Variants in WIPF2 observed in about 807,000 individuals in gnomAD.
WIPF2 encodes WAS/WASL interacting protein family member 2.
In WIPF2, 23 loss-of-function variants were observed where a neutral mutation model predicts 38.8. That is an observed-to-expected ratio of 0.59 (90% CI 0.43 to 0.84). The LOEUF is 0.84. WIPF2 is among the 40% of genes least tolerant of loss of function. The pLI is 0.00. For synonymous variants in WIPF2, 210 were observed against 223.2 expected (o/e 0.94, Z 0.53); for missense variants, 574 against 580.5 (o/e 0.99, Z 0.11).
chr17:40,275,085 T>C (rs1319201566), intron 6 of WIPF2, among the ~76,000 whole-genome samples: 2 of 150,530 alleles, frequency 1.3e-5, no homozygotes, highest in Non-Finnish European at 3.0e-5. Flanking sequence ...ACTAAAAATA[T>C]AAAAAATTAA....
chr17:40,272,496 A>G (rs916897082), intron 5 of WIPF2, among the ~76,000 whole-genome samples: 4 of 152,218 alleles, frequency 2.6e-5, no homozygotes, highest in African/African-American at 9.6e-5. Flanking sequence ...ACTTCCCACA[A>G]TGAATCTGCT....
intron 1 of WIPF2, among the ~76,000 whole-genome samples, chr17:40,252,994 G>GGCCTCAGGTGATCTGCCC (rs1318071140): frequency 1.3e-5 from 2 of 151,608 alleles, no homozygotes; most frequent in Non-Finnish European, 2.9e-5. Context: ...TCGAACTCCT[G>GGCCTCAGGTGATCTGCCC]GCCTCAGGTG....
At chr17:40,246,967 C>T (rs955389398) in intron 1 of WIPF2, among the ~76,000 whole-genome samples, 4 of 151,432 alleles carry the variant, frequency 2.6e-5, no homozygotes, top group Admixed American at 6.6e-5. Context: ...AGAAATTAGC[C>T]GGGTGTGGTG....
At chr17:40,222,505 C>CCTCAACA (rs1183305640) in intron 1 of WIPF2, among the ~76,000 whole-genome samples, 2 of 150,828 alleles carry the variant, frequency 1.3e-5, no homozygotes, top group Non-Finnish European at 2.9e-5. Context: ...CGAAACTCCA[C>CCTCAACA]CTCAACAACA....
intron 1 of WIPF2, among the ~76,000 whole-genome samples, chr17:40,225,031 C>T (rs906973907): frequency 6.6e-5 from 10 of 151,944 alleles, no homozygotes; most frequent in African/African-American, 1.9e-4. Flanking sequence ...GTGGATGGGG[C>T]GTTCCATGTC....
intron 2 of WIPF2, among the ~76,000 whole-genome samples, chr17:40,258,495 G>A (rs2145368184): frequency 6.6e-6 from 1 of 152,270 alleles, no homozygotes; most frequent in East Asian, 1.9e-4. Flanking sequence ...GAGAGGCTGA[G>A]GCAGGAGAAT....
intron 1 of WIPF2, among the ~76,000 whole-genome samples, chr17:40,223,116 A>T (rs2030322934): frequency 6.6e-6 from 1 of 151,996 alleles, no homozygotes; most frequent in Admixed American, 6.6e-5. Context: ...GATGAAGACT[A>T]GTAGAATGTA....
chr17:40,272,321 G>A (rs1267560712), intron 5 of WIPF2, among the ~76,000 whole-genome samples: 4 of 152,044 alleles, frequency 2.6e-5, no homozygotes, highest in Admixed American at 6.6e-5. Flanking sequence ...GCCTGGCATA[G>A]GTATGAATAT....
intron 7 of WIPF2, among the ~76,000 whole-genome samples, 160 bp downstream of exon 7, chr17:40,277,344 C>T (rs1598504263): frequency 2.0e-5 from 3 of 152,222 alleles, no homozygotes; most frequent in Non-Finnish European, 1.5e-5. Context: ...GTCAGGAATT[C>T]GAGACCAGCC....
chr17:40,256,525 AG>A lies in WIPF2; in HGVS notation c.63+5del. The A allele has an allele frequency of 6.2e-7, 1 of 1,603,914 alleles. No individual in the cohort carries two copies. Among genetic ancestry groups the A allele is most frequent in the South Asian group, 1.1e-5 (1 of 89,150 alleles). On this transcript the variant is annotated splice_donor_region_variant and intron_variant, in intron 2 of 7. Transcript: ENST00000323571. ...CTCCACCTCCCACATTTCATCAGGTAGGTAGTCCTTCCATTAGGCTATCTCA... is the reference window on the plus strand; with the variant it reads ...CTCCACCTCCCACATTTCATCAGGTAGTAGTCCTTCCATTAGGCTATCTCA...
chr17:40,228,004 CTTTTTGTTTTT>C (rs1261965284), intron 1 of WIPF2, among the ~76,000 whole-genome samples: 1 of 119,934 alleles, frequency 8.3e-6, no homozygotes, highest in East Asian at 2.5e-4. Flanking sequence ...TTTTATACCT[CTTTTTGTTTTT>C]TTTTTTTTTT....
At chr17:40,220,592 T>C (rs1164763308) in intron 1 of WIPF2, 13 of 77,216 alleles carry the variant, frequency 1.7e-4, no homozygotes, top group African/African-American at 4.0e-4. Flanking sequence ...TATATATATA[T>C]ATATATATAT....
At chr17:40,263,102 A>C (rs1229719155) in intron 4 of WIPF2, among the ~76,000 whole-genome samples, 2 of 152,144 alleles carry the variant, frequency 1.3e-5, no homozygotes, top group Non-Finnish European at 2.9e-5. Flanking sequence ...CAAAGGGTAC[A>C]AAGTTTCAGT....
intron 1 of WIPF2, among the ~76,000 whole-genome samples, chr17:40,248,313 C>T (rs982887618): frequency 8.6e-5 from 13 of 151,114 alleles, no homozygotes; most frequent in Admixed American, 7.3e-4. Flanking sequence ...TATAAGCACC[C>T]GCCACCGTGC....
chr17:40,264,469 G>A (rs2145386644), intron 4 of WIPF2, 21 bp from the exon 5 acceptor site: 1 of 1,613,398 alleles, frequency 6.2e-7, no homozygotes, highest in South Asian at 1.1e-5. Context: ...TGTTGACCCT[G>A]TGTTGTCTAT....
chr17:40,226,966 C>T (rs1703680706), intron 1 of WIPF2, among the ~76,000 whole-genome samples: 1 of 152,118 alleles, frequency 6.6e-6, no homozygotes, highest in Non-Finnish European at 1.5e-5. Context: ...TGGTCTTGAA[C>T]TCCTGACCTA....
intron 2 of WIPF2, among the ~76,000 whole-genome samples, chr17:40,258,335 A>G (rs761073789): frequency 1.0e-4 from 15 of 144,788 alleles, no homozygotes; most frequent in Non-Finnish European, 1.8e-4. Flanking sequence ...AGAGGCAGAG[A>G]TTGCACCCAG....
At chr17:40,265,539 A>G (rs74358532) in intron 5 of WIPF2, among the ~76,000 whole-genome samples, 331 of 152,284 alleles carry the variant, frequency 2.2e-3, no homozygotes, top group African/African-American at 7.5e-3. Flanking sequence ...GTAGTTATCT[A>G]GGAGAACAGC....
chr17:40,275,240 CA>C (rs58914738), intron 6 of WIPF2, among the ~76,000 whole-genome samples: 10,162 of 60,128 alleles, frequency 0.17, 160 homozygotes, highest in East Asian at 0.32. Context: ...GACTCCGTCT[CA>C]AAAAAAAAAA....
Sources: allele counts gnomAD v4.1 joint callset (sites outside exome capture counted in the v4.1 genomes callset), GRCh38; gene constraint gnomAD v4.1.1; transcripts MANE v1.5; gene names NCBI Gene and HGNC (gene_info 2026-07-23, HGNC 2026-07-21).